KLHL7: variants seen among roughly 807,000 people sequenced by gnomAD.
The protein encoded by KLHL7 is kelch-like protein 7.
Under a neutral mutation model 67.4 loss-of-function variants are expected in KLHL7, and 44 were observed. That is an observed-to-expected ratio of 0.65 (90% confidence interval 0.51 to 0.84). The LOEUF (loss-of-function observed/expected upper bound fraction) is 0.84. KLHL7 is among the 40% of genes least tolerant of loss of function. The pLI, the probability that KLHL7 is intolerant of heterozygous loss-of-function variation, is 0.00. For synonymous variants in KLHL7, 252 were observed against 243.3 expected (o/e 1.04, Z -0.33); for missense variants, 362 against 718.1 (o/e 0.50, Z 5.67).
At position 23,175,426 on chromosome 7, in the gene KLHL7, CCACT is replaced by C. The variant is rs1203692973; in HGVS notation, c.*1131_*1134del. 2 of 428,924 alleles carry C rather than the reference CCACT, an allele frequency of 4.7e-6. No homozygotes were observed. Among genetic ancestry groups the C allele is most frequent in the East Asian group, 7.1e-5 (1 of 14,084 alleles). 26.6% of individuals were successfully genotyped at this position (428,924 alleles called of 1,614,324 possible). Reference sequence around the variant, plus strand: ...TAAATATTTTTTAACTTAAAATAGGCCACTCAGTTTGTTCTTCAAGTATTTTAGG... The same window carrying C: ...TAAATATTTTTTAACTTAAAATAGGCCAGTTTGTTCTTCAAGTATTTTAGG... On this transcript the variant is annotated 3_prime_UTR_variant, in exon 11 of 11. Transcript: ENST00000339077.
At chr7:23,116,479 A>C (rs1202918827) in intron 1 of KLHL7, among the ~76,000 whole-genome samples, 2 of 152,220 alleles carry the variant, frequency 1.3e-5, no homozygotes, top group African/African-American at 4.8e-5. Context: ...CTGTTCTTTC[A>C]GGCAGCCTCA....
intron 4 of KLHL7, among the ~76,000 whole-genome samples, chr7:23,139,005 G>A (rs1784084859): frequency 6.6e-6 from 1 of 151,152 alleles, no homozygotes; most frequent in Admixed American, 6.6e-5. Context: ...AACATTGGAT[G>A]AAGAAAGTGT....
intron 7 of KLHL7, among the ~76,000 whole-genome samples, chr7:23,152,614 T>C (rs1784572221): frequency 6.6e-6 from 1 of 152,188 alleles, no homozygotes; most frequent in Non-Finnish European, 1.5e-5. Flanking sequence ...CTAGAATATT[T>C]GGAAACCCTA....
chr7:23,124,881 G>GA, intron 3 of KLHL7, 100 bp downstream of exon 3: 1 of 1,132,376 alleles, frequency 8.8e-7, no homozygotes, highest in African/African-American at 1.5e-5. Flanking sequence ...TCTTCAAAAT[G>GA]AAAAACCGCA....
In KLHL7 at chr7:23,143,984, C is replaced by G; in HGVS notation, c.752C>G (p.Pro251Arg). The G allele has an allele frequency of 6.2e-7, 1 of 1,613,980 alleles. No individual in the cohort carries two copies. The change falls in exon 6 of 11, where the codon CCA (proline) becomes CGA (arginine). Residue 251 changes from proline (P) to arginine (R), a missense_variant. Physicochemically the swap from Pro to Arg is moderately radical, Grantham distance 103. This residue lies in a region of KLHL7 where 155 missense variants were observed against 280.8 expected (regional missense o/e 0.55). Coordinates refer to ENST00000339077, the MANE Select transcript of KLHL7 (RefSeq NM_001031710.3). ...NFLSKTVQAE[P>R]LIQDNPECLK... ...TTAAGTAAAACGGTACAAGCTGAAC[C>G]ACTTATTCAAGACAATCCTGAATGC...
At chr7:23,106,364 T>G (rs753562456) in intron 1 of KLHL7, 20 of 1,392,538 alleles carry the variant, frequency 1.4e-5, no homozygotes, top group Non-Finnish European at 1.9e-5. Context: ...AGGATGTAGC[T>G]CCCAAGTCAG....
At chr7:23,154,432 G>A (rs1354782757) in intron 7 of KLHL7, among the ~76,000 whole-genome samples, 1 of 152,146 alleles carries the variant, frequency 6.6e-6, no homozygotes, top group Non-Finnish European at 1.5e-5. Context: ...GCCATAGTTT[G>A]CCAACCTCTG....
rs1411146685 is a variant in KLHL7 at position 23,174,654 on chromosome 7, G to A, written c.*356G>A. ...TCTTAGCTCTAGATTCTATTTTCAT[G>A]CATCACAGAAGTGCTATACGGTTAG... On this transcript the variant is annotated 3_prime_UTR_variant, in exon 11 of 11. Transcript: ENST00000339077. The A allele has an allele frequency of 2.1e-6, 1 of 465,280 alleles. No individual in the cohort carries two copies. Among genetic ancestry groups the A allele is most frequent in the East Asian group, 6.7e-5 (1 of 15,014 alleles). 28.8% of individuals were successfully genotyped at this position (465,280 alleles called of 1,614,324 possible).
chr7:23,148,412 AGCAGCCC>A (rs2031737037), intron 6 of KLHL7, among the ~76,000 whole-genome samples: 145 of 54,156 alleles, frequency 2.7e-3, no homozygotes, highest in South Asian at 7.4e-3. Context: ...AAAAAAAAAC[AGCAGCCC>A]CAAAGCTACT....
chr7:23,143,183 G>C lies in KLHL7; in HGVS notation c.619-668G>C, dbSNP rs78789024. Among the ~76,000 whole-genome samples the C allele has an allele frequency of 1.1e-3, 170 of 152,302 alleles. 4 individuals are homozygous for C. In the East Asian group the frequency reaches 0.028, roughly 25 times the overall value. Reference sequence around the variant, plus strand: ...CAAAATTAATTTAGTGGGTATGGGAGATGTGTGTGTATATGAAGCAATTGA... The same window carrying C: ...CAAAATTAATTTAGTGGGTATGGGACATGTGTGTGTATATGAAGCAATTGA... On this transcript the variant is annotated intron_variant, in intron 5 of 10. Coordinates refer to ENST00000339077, the MANE Select transcript of KLHL7 (RefSeq NM_001031710.3).
chr7:23,137,627 C>T (rs1053918951), intron 4 of KLHL7, among the ~76,000 whole-genome samples: 4 of 151,072 alleles, frequency 2.6e-5, no homozygotes, highest in African/African-American at 9.7e-5. Context: ...TACAGGCACC[C>T]ACCAGCATGC....
intron 1 of KLHL7, among the ~76,000 whole-genome samples, chr7:23,116,538 G>T (rs1227933022): frequency 6.6e-6 from 1 of 152,194 alleles, no homozygotes; most frequent in African/African-American, 2.4e-5. Flanking sequence ...TCTACATCAG[G>T]TAGCTGACCT....
intron 4 of KLHL7, among the ~76,000 whole-genome samples, chr7:23,128,505 T>A (rs1369303992): frequency 6.7e-6 from 1 of 148,198 alleles, no homozygotes; most frequent in Non-Finnish European, 1.5e-5. Context: ...ATCAATGAAC[T>A]AAGATATTCC....
In KLHL7 at chr7:23,174,926, A is replaced by G. The variant is rs1367513253; in HGVS notation, c.*628A>G. The G allele has an allele frequency of 2.2e-6, 1 of 454,190 alleles. No homozygotes were observed. Among genetic ancestry groups the G allele is most frequent in the South Asian group, 1.6e-5 (1 of 64,432 alleles). 28.1% of individuals were successfully genotyped at this position (454,190 alleles called of 1,614,324 possible). On this transcript the variant is annotated 3_prime_UTR_variant, in exon 11 of 11. Coordinates refer to ENST00000339077, the MANE Select transcript of KLHL7 (RefSeq NM_001031710.3). ...CATGAAATATATTCAATCCACTTAA[A>G]TATATTCCATCTTTTTAACATAAAA...
In KLHL7 at chr7:23,174,417, A is replaced by G. The variant is rs756119455; in HGVS notation, c.*119A>G. 6 of 975,336 alleles carry G rather than the reference A, an allele frequency of 6.2e-6. No homozygotes were observed. The highest frequency in any genetic ancestry group is 2.5e-5 in the East Asian group (1 of 39,632). 60.4% of individuals were successfully genotyped at this position (975,336 alleles called of 1,614,324 possible). On this transcript the variant is annotated 3_prime_UTR_variant, in exon 11 of 11. Transcript: ENST00000339077. Reference sequence around the variant, plus strand: ...TTTGGTAAAGAAAGTTTCAAGTGAAATGAGGTTCCTATAAAATAGATGTTT... The same window carrying G: ...TTTGGTAAAGAAAGTTTCAAGTGAAGTGAGGTTCCTATAAAATAGATGTTT...
At chr7:23,146,546 T>C (rs1784360206) in intron 6 of KLHL7, among the ~76,000 whole-genome samples, 1 of 152,206 alleles carries the variant, frequency 6.6e-6, no homozygotes, top group South Asian at 2.1e-4. Context: ...TGAACTAGTC[T>C]TTTCCTTTGT....
intron 4 of KLHL7, among the ~76,000 whole-genome samples, chr7:23,126,560 C>T (rs1010623232): frequency 6.6e-6 from 1 of 152,154 alleles, no homozygotes; most frequent in African/African-American, 2.4e-5. Context: ...TGCTAAATGA[C>T]AAGAACGCAA....
rs1432892220 is a variant in KLHL7, at chr7:23,123,438, T to TC, written c.121-334dup. Among the ~76,000 whole-genome samples, 10 of 150,344 alleles carry TC rather than the reference T, an allele frequency of 6.7e-5. No individual in the cohort carries two copies. In the Admixed American group the frequency reaches 6.7e-4, roughly 10 times the overall value. On this transcript the variant is annotated intron_variant, in intron 1 of 10. Transcript: ENST00000339077. ...GGCACTGCCATGATGTCATTGAATTTCCCCCAGAAAAGCTTACCATGAGAA... is the reference window on the plus strand; with the variant it reads ...GGCACTGCCATGATGTCATTGAATTTCCCCCCAGAAAAGCTTACCATGAGAA...
chr7:23,122,701 A>G (rs1373750522), intron 1 of KLHL7, among the ~76,000 whole-genome samples: 1 of 152,162 alleles, frequency 6.6e-6, no homozygotes, highest in Non-Finnish European at 1.5e-5. Flanking sequence ...CTCATTCTAA[A>G]CATTATTATT....
Sources: gnomAD v4.1 joint callset for allele counts (sites outside exome capture counted in the v4.1 genomes callset) on GRCh38, gnomAD v4.1.1 for gene constraint, gnomAD v4.1.1 regional missense constraint, MANE v1.5 for transcripts, NCBI Gene and HGNC (gene_info 2026-07-23, HGNC 2026-07-21) for gene names.